KSR2: variants seen among roughly 807,000 people sequenced by gnomAD.
KSR2 encodes kinase suppressor of ras 2.
In KSR2, 25 loss-of-function variants were observed where a neutral mutation model predicts 107.8. That is an observed-to-expected ratio of 0.23 (90% CI 0.17 to 0.32). The LOEUF (loss-of-function observed/expected upper bound fraction) is 0.32. Ranked by LOEUF, KSR2 falls within the 10% of genes least tolerant of loss-of-function variation. KSR2 has a pLI of 1.00. For synonymous variants in KSR2, 480 were observed against 507.0 expected, an observed-to-expected ratio of 0.95 and a Z score of 0.71; for missense variants, 887 against 1,268.9, an observed-to-expected ratio of 0.70 and a Z score of 4.57.
Position 117,761,313 on chromosome 12 carries a change from G to A in KSR2, c.684C>T (p.Thr228=), listed in dbSNP as rs776706935. 3 of 1,540,338 alleles carry A rather than the reference G, an allele frequency of 1.9e-6. No individual in the cohort carries two copies. The highest frequency in any genetic ancestry group is 1.4e-5 in the African/African-American group (1 of 72,132). ...GGCACAAGCCCGGGTAGGCGTCCACGGTAAGCCTGTCCACGTGGGTGTACA... is the reference window on the plus strand; with the variant it reads ...GGCACAAGCCCGGGTAGGCGTCCACAGTAAGCCTGTCCACGTGGGTGTACA... ...APVYTHVDRL[T]VDAYPGLCPP... Residue 228 remains threonine, a synonymous_variant, in exon 4 of 20, where the codon ACC becomes ACT. Transcript: ENST00000339824.
rs573536023 is a variant in KSR2 at position 117,747,459 on chromosome 12, G to A, written c.986+13552C>T. Among the ~76,000 whole-genome samples the A allele has an allele frequency of 2.6e-5, 4 of 152,134 alleles. No individual in the cohort carries two copies. The East Asian group carries it at 7.7e-4, about 29-fold the overall frequency. On this transcript the variant is annotated intron_variant, in intron 4 of 19. Coordinates refer to ENST00000339824, the MANE Select transcript of KSR2 (RefSeq NM_173598.6). The stretch of plus-strand genomic sequence containing the variant: ...GGGGTGGGGGACAGGGGGAGGGAGA[G>A]CATTAGGACAAATACGTAATGCATG...
chr12:117,932,784 G>C (rs779868223), intron 1 of KSR2, among the ~76,000 whole-genome samples: 1 of 151,934 alleles, frequency 6.6e-6, no homozygotes, highest in African/African-American at 2.4e-5. Flanking sequence ...AGGCTGAGGC[G>C]GGCAGATCAC....
At chr12:117,704,519 C>A (rs888804041) in intron 4 of KSR2, among the ~76,000 whole-genome samples, 17 of 152,082 alleles carry the variant, frequency 1.1e-4, no homozygotes, top group African/African-American at 4.1e-4. Flanking sequence ...ACTCTGTGGT[C>A]CTTTACAGGA....
chr12:117,955,796 C>T (rs1389140062), intron 1 of KSR2, among the ~76,000 whole-genome samples: 2 of 150,780 alleles, frequency 1.3e-5, no homozygotes, highest in Non-Finnish European at 2.9e-5. Flanking sequence ...AGCTCTGTTC[C>T]ATAGCAATAT....
At position 117,557,792 on chromosome 12, in the gene KSR2, T is replaced by C. The variant is rs538566192; in HGVS notation, c.1393+714A>G. ...AGTCCCTCGGAGATAAATTTCAATA[T>C]GGATAATGGAGTTTGGGGGTGATCA... On this transcript the variant is annotated intron_variant, in intron 8 of 19. Coordinates refer to ENST00000339824, the MANE Select transcript of KSR2 (RefSeq NM_173598.6). Among the ~76,000 whole-genome samples the C allele has an allele frequency of 5.9e-5, 9 of 152,312 alleles. No individual in the cohort carries two copies. In the South Asian group the frequency reaches 1.0e-3, roughly 18 times the overall value.
At chr12:117,527,010 G>A (rs985923090) in intron 13 of KSR2, 61 bp downstream of exon 13, 23 of 1,451,218 alleles carry the variant, frequency 1.6e-5, no homozygotes, top group African/African-American at 8.4e-5. Flanking sequence ...AACGTCAGTC[G>A]GCTTTGCCAA....
intron 9 of KSR2, among the ~76,000 whole-genome samples, chr12:117,547,364 T>C (rs757182895): frequency 6.6e-6 from 1 of 152,160 alleles, no homozygotes; most frequent in Admixed American, 6.5e-5. Context: ...GACTTGTTAA[T>C]GATGGTGGTG....
intron 9 of KSR2, among the ~76,000 whole-genome samples, chr12:117,548,702 A>G (rs564692090): frequency 1.1e-4 from 16 of 152,236 alleles, no homozygotes; most frequent in Non-Finnish European, 2.2e-4. Flanking sequence ...GAAAAGTACA[A>G]TTACTCCATC....
chr12:117,706,136 C>T (rs764314653), intron 4 of KSR2, among the ~76,000 whole-genome samples: 4 of 151,034 alleles, frequency 2.6e-5, no homozygotes, highest in South Asian at 4.2e-4. Context: ...CTCTGCCCCG[C>T]GGGTTCAAAC....
chr12:117,861,378 C>CTTTTTTTTTTT lies in KSR2; in HGVS notation c.181-958_181-948dup, dbSNP rs5801257. Among the ~76,000 whole-genome samples, 6 of 81,672 alleles carry CTTTTTTTTTTT rather than the reference C, an allele frequency of 7.3e-5. 1 individual carries two copies. The highest frequency in any genetic ancestry group is 6.7e-5 in the Non-Finnish European group (3 of 44,986). The allele number at this position is 81,672 out of a possible 152,430, so 53.6% of individuals were successfully genotyped here. On this transcript the variant is annotated intron_variant, in intron 1 of 19. Transcript: ENST00000339824. The stretch of plus-strand genomic sequence containing the variant: ...TCTGTCCACAAGGACTCCCAATTCG[C>CTTTTTTTTTTT]TTTTTTTTTTTTTTTTTTTTTTTTT...
chr12:117,535,496 G>A (rs1875979116), intron 10 of KSR2, among the ~76,000 whole-genome samples: 1 of 152,116 alleles, frequency 6.6e-6, no homozygotes, highest in Non-Finnish European at 1.5e-5. Flanking sequence ...ACTCTCATGA[G>A]CCCACATGGC....
At chr12:117,783,713 G>C (rs1889964823) in intron 3 of KSR2, among the ~76,000 whole-genome samples, 1 of 152,176 alleles carries the variant, frequency 6.6e-6, no homozygotes, top group Non-Finnish European at 1.5e-5. Flanking sequence ...GCCAAAAGTT[G>C]GCAGGATTTA....
chr12:117,555,379 C>T, intron 8 of KSR2, 86 bp from the exon 9 acceptor site: 2 of 1,374,702 alleles, frequency 1.5e-6, no homozygotes, highest in South Asian at 2.6e-5. Context: ...GATCCCACCT[C>T]TTAGACCCAC....
intron 1 of KSR2, among the ~76,000 whole-genome samples, chr12:117,946,389 GA>G (rs1566093946): frequency 6.6e-6 from 1 of 151,874 alleles, no homozygotes; most frequent in African/African-American, 2.4e-5. Context: ...CATCAAGAAC[GA>G]AAAGAGGAGT....
intron 5 of KSR2, among the ~76,000 whole-genome samples, chr12:117,634,100 C>A (rs1363838054): frequency 6.6e-6 from 1 of 152,108 alleles, no homozygotes; most frequent in African/African-American, 2.4e-5. Context: ...ATGTGGTGGG[C>A]GATCCATGAC....
At chr12:117,846,214 C>T (rs1239369829) in intron 3 of KSR2, among the ~76,000 whole-genome samples, 2 of 152,042 alleles carry the variant, frequency 1.3e-5, no homozygotes, top group Non-Finnish European at 2.9e-5. Context: ...CTGCTCTGAT[C>T]AGCCCATCAA....
chr12:117,758,560 G>T (rs914741369), intron 4 of KSR2, among the ~76,000 whole-genome samples: 5 of 152,096 alleles, frequency 3.3e-5, no homozygotes, highest in African/African-American at 1.2e-4. Context: ...TGCTAACTCA[G>T]CCAGAAGAAA....
In KSR2 at chr12:117,512,605, C is replaced by T. The variant is rs528992573; in HGVS notation, c.2219+12247G>A. Reference sequence around the variant, plus strand: ...TGCACGTTTCAGTGTGAAATCCATGCCTTCTAATACCCATGCTTTCTAATA... The same window carrying T: ...TGCACGTTTCAGTGTGAAATCCATGTCTTCTAATACCCATGCTTTCTAATA... On this transcript the variant is annotated intron_variant, in intron 14 of 19. Transcript: ENST00000339824. Among the ~76,000 whole-genome samples the T allele has an allele frequency of 2.0e-5, 3 of 152,270 alleles. No individual in the cohort carries two copies. In the East Asian group the frequency reaches 5.8e-4, roughly 29 times the overall value.
intron 14 of KSR2, among the ~76,000 whole-genome samples, chr12:117,491,272 C>T (rs759598650): frequency 1.3e-5 from 2 of 152,130 alleles, no homozygotes; most frequent in Admixed American, 6.6e-5. Flanking sequence ...CTCTGCCTCC[C>T]GGGTTCAAGT....
Sources: gnomAD v4.1 joint callset for allele counts (sites outside exome capture counted in the v4.1 genomes callset) on GRCh38, gnomAD v4.1.1 for gene constraint, MANE v1.5 for transcripts, NCBI Gene and HGNC (gene_info 2026-07-23, HGNC 2026-07-21) for gene names.